Variants in CCDC138 observed in about 807,000 individuals in gnomAD.
The protein encoded by CCDC138 is coiled-coil domain-containing protein 138.
In CCDC138, 66 loss-of-function variants were observed where a neutral mutation model predicts 82.3. The ratio of observed to expected loss-of-function variants is 0.80; its 90% CI spans 0.66 to 0.98. The LOEUF is 0.98. Ranked by LOEUF, CCDC138 falls within the 50% of genes least tolerant of loss-of-function variation. The pLI, the probability that CCDC138 is intolerant of heterozygous loss-of-function variation, is 0.00. For missense variants in CCDC138, 816 were observed against 758.9 expected (o/e 1.08, Z -0.88); for synonymous variants, 297 against 265.4 (o/e 1.12, Z -1.16).
Position 108,873,564 on chromosome 2 carries a change from A to G in CCDC138, c.1807A>G (p.Ile603Val). Reference protein sequence around the residue: ...DLQILEKLSIILQKLSKIKSN... With the variant: ...DLQILEKLSIVLQKLSKIKSN... Reference sequence around the variant, plus strand: ...TCAAATACTAGAAAAACTCAGTATTATTTTACAGAAACTTTCCAAAATCAA... The same window carrying G: ...TCAAATACTAGAAAAACTCAGTATTGTTTTACAGAAACTTTCCAAAATCAA... Residue 603 changes from isoleucine to valine, a missense_variant, in exon 14 of 15, where the codon ATT becomes GTT. Physicochemically the swap from Ile to Val is conservative, Grantham distance 29 (BLOSUM62 3). Transcript: ENST00000295124. 1 of 1,608,626 alleles carries G rather than the reference A, an allele frequency of 6.2e-7. No individual in the cohort carries two copies. Among genetic ancestry groups the G allele is most frequent in the Non-Finnish European group, 8.5e-7 (1 of 1,177,290 alleles).
At chr2:108,852,980 A>G (rs1691777307) in intron 12 of CCDC138, among the ~76,000 whole-genome samples, 1 of 152,232 alleles carries the variant, frequency 6.6e-6, no homozygotes, top group Admixed American at 6.5e-5. Flanking sequence ...TTTTGTTTGT[A>G]TCAAAGTTAA....
intron 10 of CCDC138, among the ~76,000 whole-genome samples, chr2:108,825,667 A>G (rs1211492699): frequency 6.6e-6 from 1 of 152,192 alleles, no homozygotes; most frequent in Non-Finnish European, 1.5e-5. Context: ...ATAATCTATA[A>G]TATAGATATA....
downstream of CCDC138, chr2:108,878,336 A>C (rs1048212602): frequency 8.1e-5 from 16 of 197,064 alleles, no homozygotes; most frequent in Admixed American, 1.4e-4. Flanking sequence ...TTCAGGGTCA[A>C]GTGATTTCAG....
intron 1 of CCDC138, among the ~76,000 whole-genome samples, chr2:108,881,803 T>TA (rs1248393882): frequency 2.0e-5 from 3 of 152,160 alleles, no homozygotes; most frequent in Non-Finnish European, 4.4e-5. Context: ...TTTGCTGTCT[T>TA]ACATGGGTGT....
chr2:108,819,115 T>G (rs1010612389), intron 10 of CCDC138, among the ~76,000 whole-genome samples: 5 of 152,148 alleles, frequency 3.3e-5, no homozygotes, highest in Admixed American at 6.5e-5. Context: ...AGGCCCTTAT[T>G]CCTCCATGGA....
chr2:108,800,330 TCTCGGCTCACTACAACCTCCACTTC>T (rs1681685800), intron 6 of CCDC138, among the ~76,000 whole-genome samples: 1 of 152,212 alleles, frequency 6.6e-6, no homozygotes, highest in Admixed American at 6.5e-5. Context: ...AGTGGCACGA[TCTCGGCTCACTACAACCTCCACTTC>T]CTGGGTTCAA....
At chr2:108,796,264 C>T (rs1680867842) in intron 5 of CCDC138, among the ~76,000 whole-genome samples, 1 of 151,908 alleles carries the variant, frequency 6.6e-6, no homozygotes, top group South Asian at 2.1e-4. Flanking sequence ...CTGTGTTAGC[C>T]AGGATGGTCT....
chr2:108,877,250 C>G (rs541978529), downstream of CCDC138, among the ~76,000 whole-genome samples: 3 of 151,986 alleles, frequency 2.0e-5, no homozygotes, highest in African/African-American at 4.8e-5. Context: ...GGCGGATCAC[C>G]TAAGGTCAGG....
At chr2:108,796,617 A>G (rs1259286596) in intron 5 of CCDC138, among the ~76,000 whole-genome samples, 3 of 152,230 alleles carry the variant, frequency 2.0e-5, no homozygotes, top group Non-Finnish European at 4.4e-5. Context: ...TGGTATCTAT[A>G]CACAATGGAA....
At chr2:108,817,513 G>A (rs1309707336) in intron 10 of CCDC138, among the ~76,000 whole-genome samples, 1 of 151,944 alleles carries the variant, frequency 6.6e-6, no homozygotes, top group African/African-American at 2.4e-5. Flanking sequence ...GGATAGTCTT[G>A]ATCTCTCGAC....
intron 10 of CCDC138, among the ~76,000 whole-genome samples, chr2:108,835,863 G>A (rs867088698): frequency 6.6e-6 from 1 of 152,188 alleles, no homozygotes; most frequent in Non-Finnish European, 1.5e-5. Context: ...CCTGGCAGCT[G>A]GATGTCCAAG....
chr2:108,836,351 A>C (rs1688581918), intron 10 of CCDC138, among the ~76,000 whole-genome samples: 1 of 152,182 alleles, frequency 6.6e-6, no homozygotes, highest in Admixed American at 6.5e-5. Context: ...TTCCTTTCTA[A>C]GGTGGAACAA....
rs868252059 is a variant in CCDC138 at position 108,798,705 on chromosome 2, G to A, written c.735+119G>A. The A allele has an allele frequency of 4.5e-4, 256 of 567,876 alleles. 4 individuals carry two copies. The South Asian group carries it at 5.1e-3, about 11-fold the overall frequency. 35.2% of individuals were successfully genotyped at this position (567,876 alleles called of 1,614,324 possible). ...TCCTTCCCTTCCTCCTCCTCTCCAC[G>A]CCTACACACACACACACACACACAC... is the stretch of plus-strand genomic sequence containing the variant. On this transcript the variant is annotated intron_variant, in intron 6 of 14. Coordinates refer to ENST00000295124, the MANE Select transcript of CCDC138 (RefSeq NM_144978.3).
intron 12 of CCDC138, among the ~76,000 whole-genome samples, chr2:108,847,986 C>A (rs764561993): frequency 4.6e-5 from 7 of 151,902 alleles, no homozygotes; most frequent in Non-Finnish European, 8.8e-5. Flanking sequence ...ATCTCCAAAT[C>A]TTAAAAAAAA....
In CCDC138 at chr2:108,816,032, C is replaced by T. The variant is rs779178515; in HGVS notation, c.1133C>T (p.Ser378Phe). The change falls in exon 10 of 15, where the codon TCT (serine) becomes TTT (phenylalanine). Residue 378 changes from serine (S) to phenylalanine (F), a missense_variant. Physicochemically the swap from Ser to Phe is radical, Grantham distance 155 (BLOSUM62 -2). Transcript: ENST00000295124. ...HHLSKVKHEE[S>F]GMDGKKPQLK... ...CTTAGCAAAGTGAAACATGAAGAAT[C>T]TGGAATGGATGGTAAAAAACCACAA... The T allele has an allele frequency of 1.2e-6, 2 of 1,613,646 alleles. No individual in the cohort carries two copies. Among genetic ancestry groups the T allele is most frequent in the South Asian group, 2.2e-5 (2 of 91,040 alleles).
chr2:108,795,357 T>C (rs980883980), intron 5 of CCDC138, among the ~76,000 whole-genome samples: 6 of 152,078 alleles, frequency 3.9e-5, no homozygotes, highest in African/African-American at 2.4e-5. Context: ...GGTTTCACCA[T>C]GTTGGCTAGG....
intron 10 of CCDC138, among the ~76,000 whole-genome samples, chr2:108,831,059 C>T (rs13410057): frequency 0.06 from 9,196 of 152,072 alleles, 649 homozygotes; most frequent in African/African-American, 0.17. Context: ...ACTGTAATCC[C>T]AGCTACTCAT....
intron 11 of CCDC138, among the ~76,000 whole-genome samples, chr2:108,846,327 T>C (rs563673733): frequency 6.6e-6 from 1 of 152,334 alleles, no homozygotes; most frequent in South Asian, 2.1e-4. Flanking sequence ...TATTTTCAAC[T>C]TTAAATTAGC....
chr2:108,879,734 C>CT (rs1268051330), downstream of CCDC138, among the ~76,000 whole-genome samples: 2 of 152,056 alleles, frequency 1.3e-5, no homozygotes, highest in Non-Finnish European at 2.9e-5. Context: ...ATCTGAGTGA[C>CT]TAAGCCGCTA....
Sources: gnomAD v4.1 joint callset for allele counts (sites outside exome capture counted in the v4.1 genomes callset) on GRCh38, gnomAD v4.1.1 for gene constraint, MANE v1.5 for transcripts, NCBI Gene and HGNC (gene_info 2026-07-23, HGNC 2026-07-21) for gene names.